The following SDK1 variants were observed in gnomAD, a reference collection of about 807,000 sequenced individuals.
The protein encoded by SDK1 is sidekick cell adhesion molecule 1, also known as protein sidekick-1.
In SDK1, 157 loss-of-function variants were observed where a neutral mutation model predicts 245.5. The observed-to-expected ratio is 0.64, with a 90% CI of 0.56 to 0.73. SDK1 has a LOEUF of 0.73. SDK1 is among the 30% of genes least tolerant of loss of function. The pLI is 0.00. For synonymous variants in SDK1, 1,647 were observed against 1,278.5 expected (o/e 1.29, Z -6.15); for missense variants, 3,583 against 3,002.3 (o/e 1.19, Z -4.52).
chr7:3,415,266 T>C (rs750722851), intron 1 of SDK1, among the ~76,000 whole-genome samples: 1 of 152,150 alleles, frequency 6.6e-6, no homozygotes, highest in Admixed American at 6.5e-5. Flanking sequence ...CATTCATGCA[T>C]TGGTTAAAAT....
At chr7:3,750,922 G>T (rs1050247403) in intron 4 of SDK1, among the ~76,000 whole-genome samples, 1 of 152,200 alleles carries the variant, frequency 6.6e-6, no homozygotes, top group Non-Finnish European at 1.5e-5. Flanking sequence ...CACAGAAGAG[G>T]TATATGTCAA....
At chr7:3,871,829 C>A (rs1780964095) in intron 5 of SDK1, among the ~76,000 whole-genome samples, 1 of 152,136 alleles carries the variant, frequency 6.6e-6, no homozygotes, top group African/African-American at 2.4e-5. Context: ...TTGGAGGGGA[C>A]AAATGTCCAG....
chr7:3,671,011 C>G (rs565543942), intron 4 of SDK1, among the ~76,000 whole-genome samples: 3 of 152,164 alleles, frequency 2.0e-5, no homozygotes, highest in Non-Finnish European at 2.9e-5. Context: ...ACAGTTAAAA[C>G]AGTTCATTGC....
chr7:4,012,065 C>G (rs1786015887), intron 15 of SDK1, 30 bp from the exon 16 acceptor site: 1 of 1,459,758 alleles, frequency 6.9e-7, no homozygotes, highest in Admixed American at 2.6e-5. Flanking sequence ...GTACTCATCT[C>G]TCTTGTTCCT....
At chr7:3,873,685 C>T in intron 5 of SDK1, among the ~76,000 whole-genome samples, 1 of 151,998 alleles carries the variant, frequency 6.6e-6, no homozygotes, top group Non-Finnish European at 1.5e-5. Context: ...TCCTATTGAC[C>T]CATCTTCAAG....
intron 1 of SDK1, among the ~76,000 whole-genome samples, chr7:3,420,324 G>C (rs375869444): frequency 1.1e-4 from 17 of 152,342 alleles, no homozygotes; most frequent in Admixed American, 4.6e-4. Context: ...ATTTTGCACA[G>C]TTTGATGGAT....
intron 4 of SDK1, among the ~76,000 whole-genome samples, chr7:3,739,997 G>A (rs1049862021): frequency 3.9e-5 from 6 of 152,158 alleles, no homozygotes; most frequent in African/African-American, 1.4e-4. Context: ...TTTAGCCTCT[G>A]AAGTCTCTTG....
chr7:4,267,503 G>A lies in SDK1; in HGVS notation c.*2119G>A. 1 of 985,434 alleles carries A rather than the reference G, an allele frequency of 1.0e-6. No homozygotes were observed. The highest frequency in any genetic ancestry group is 1.2e-6 in the Non-Finnish European group (1 of 829,952). 61.0% of individuals were successfully genotyped at this position (985,434 alleles called of 1,614,324 possible). ...TGCCACCTCCTTCCCCTCGGCCCCGGAGAGGGCGAAGTGGGCGGGAAGCCA... is the reference window on the plus strand; with the variant it reads ...TGCCACCTCCTTCCCCTCGGCCCCGAAGAGGGCGAAGTGGGCGGGAAGCCA... On this transcript the variant is annotated 3_prime_UTR_variant, in exon 45 of 45. Coordinates refer to ENST00000404826, the MANE Select transcript of SDK1 (RefSeq NM_152744.4).
At chr7:4,031,111 G>A (rs758306648) in intron 17 of SDK1, among the ~76,000 whole-genome samples, 4 of 151,874 alleles carry the variant, frequency 2.6e-5, no homozygotes, top group African/African-American at 7.3e-5. Context: ...ATGTGGACAC[G>A]TATATATACA....
In SDK1 at chr7:3,301,678, C is replaced by G. The variant is rs1779263157; in HGVS notation, c.92C>G (p.Ser31Cys). The G allele has an allele frequency of 1.0e-6, 1 of 974,156 alleles. No individual in the cohort carries two copies. The highest frequency in any genetic ancestry group is 1.8e-5 in the African/African-American group (1 of 55,994). 60.3% of individuals were successfully genotyped at this position (974,156 alleles called of 1,614,324 possible). ...GCGGGCCCCGGGCGGCCGCGGGGAT[C>G]CCCGCCCGGCCGCGCCCGCCCCTCG... ...ERAGPGRPRG[S>C]PPGRARPSLA... Residue 31 changes from serine to cysteine, a missense_variant, in exon 1 of 45, where the codon TCC (serine) becomes TGC (cysteine). Ser to Cys is a moderately radical substitution (Grantham distance 112, BLOSUM62 -1). Coordinates refer to ENST00000404826, the MANE Select transcript of SDK1 (RefSeq NM_152744.4).
chr7:3,345,701 C>G, intron 1 of SDK1, among the ~76,000 whole-genome samples: 1 of 152,304 alleles, frequency 6.6e-6, no homozygotes, highest in Non-Finnish European at 1.5e-5. Flanking sequence ...TCTGTTTTCC[C>G]AGGCGATGCC....
At chr7:3,835,036 C>G (rs1322021288) in intron 5 of SDK1, among the ~76,000 whole-genome samples, 2 of 152,264 alleles carry the variant, frequency 1.3e-5, no homozygotes, top group East Asian at 3.9e-4. Context: ...TTTTCTGCCT[C>G]TCCTTTTTCT....
At chr7:3,426,366 G>C (rs1779676289) in intron 1 of SDK1, among the ~76,000 whole-genome samples, 1 of 152,214 alleles carries the variant, frequency 6.6e-6, no homozygotes, top group African/African-American at 2.4e-5. Flanking sequence ...AGTGGGTTCA[G>C]GTTGTAGGTG....
At chr7:3,494,431 G>C (rs1172207929) in intron 1 of SDK1, among the ~76,000 whole-genome samples, 1 of 152,086 alleles carries the variant, frequency 6.6e-6, no homozygotes, top group African/African-American at 2.4e-5. Context: ...ATGATGACTT[G>C]TAAGGGTATC....
chr7:4,013,336 T>A (rs998239080), intron 16 of SDK1, among the ~76,000 whole-genome samples: 1 of 152,222 alleles, frequency 6.6e-6, no homozygotes, highest in African/African-American at 2.4e-5. Flanking sequence ...AAAGCAGAAT[T>A]GCATAATAAT....
At chr7:3,442,296 G>T (rs1780218034) in intron 1 of SDK1, among the ~76,000 whole-genome samples, 1 of 152,176 alleles carries the variant, frequency 6.6e-6, no homozygotes, top group South Asian at 2.1e-4. Flanking sequence ...ATTGATTATA[G>T]TAAGGAAGCC....
At chr7:3,842,979 C>T (rs1337012962) in intron 5 of SDK1, among the ~76,000 whole-genome samples, 1 of 152,074 alleles carries the variant, frequency 6.6e-6, no homozygotes, top group Non-Finnish European at 1.5e-5. Context: ...CGCACATTCT[C>T]ATTTGGCGAA....
intron 1 of SDK1, among the ~76,000 whole-genome samples, chr7:3,358,348 G>A (rs1780862762): frequency 1.3e-5 from 2 of 151,874 alleles, no homozygotes; most frequent in African/African-American, 4.8e-5. Context: ...ACTAGAAGTG[G>A]TGATCTTTGA....
intron 4 of SDK1, among the ~76,000 whole-genome samples, chr7:3,766,173 T>G (rs370669940): frequency 6.6e-6 from 1 of 152,210 alleles, no homozygotes; most frequent in African/African-American, 2.4e-5. Context: ...AATTTGAATA[T>G]TAATTTATAG....
Sources: allele counts gnomAD v4.1 joint callset (sites outside exome capture counted in the v4.1 genomes callset), GRCh38; gene constraint gnomAD v4.1.1; transcripts MANE v1.5; gene names NCBI Gene and HGNC (gene_info 2026-07-23, HGNC 2026-07-21).